The following MGMT variants were observed in gnomAD, a reference collection of about 807,000 sequenced individuals.
The protein encoded by MGMT is O-6-methylguanine-DNA methyltransferase, also known as methylated-DNA--protein-cysteine methyltransferase.
Under a neutral mutation model 15.9 loss-of-function variants are expected in MGMT, and 14 were observed. The ratio of observed to expected loss-of-function variants is 0.88; its 90% CI spans 0.58 to 1.37. The LOEUF is 1.37. Ranked by LOEUF, MGMT falls within the 40% of genes most tolerant of loss-of-function variation. MGMT has a pLI of 0.00. For missense variants in MGMT, 282 were observed against 268.1 expected (o/e 1.05, Z -0.36); for synonymous variants, 130 against 118.2 (o/e 1.10, Z -0.65).
rs753200901 is a variant in MGMT at position 129,708,031 on chromosome 10, G to A, written c.262G>A (p.Val88Ile). 10 of 1,612,142 alleles carry A rather than the reference G, an allele frequency of 6.2e-6. No individual in the cohort carries two copies. The highest frequency in any genetic ancestry group is 2.2e-5 in the South Asian group (2 of 90,976). Residue 88 changes from valine to isoleucine, a missense_variant, in exon 3 of 5, where the codon GTT becomes ATT. Transcript: ENST00000651593. ...EFPVPALHHP[V>I]FQQESFTRQV... ...CCCCGTGCCGGCTCTTCACCATCCCGTTTTCCAGCAAGGTCGGTAACTAAG... is the reference window on the plus strand; with the variant it reads ...CCCCGTGCCGGCTCTTCACCATCCCATTTTCCAGCAAGGTCGGTAACTAAG...
intron 1 of MGMT, among the ~76,000 whole-genome samples, chr10:129,509,508 T>G (rs1461445818): frequency 1.3e-5 from 2 of 152,230 alleles, no homozygotes; most frequent in Non-Finnish European, 2.9e-5. Context: ...GAAAATAGCT[T>G]ACAGTAATGG....
At chr10:129,489,357 CT>C (rs1204524843) in intron 1 of MGMT, among the ~76,000 whole-genome samples, 4 of 57,736 alleles carry the variant, frequency 6.9e-5, no homozygotes, top group African/African-American at 1.0e-4. Context: ...AGGACTCTGT[CT>C]CAAAAAAAAA....
intron 1 of MGMT, among the ~76,000 whole-genome samples, chr10:129,531,184 T>G (rs1309174517): frequency 2.0e-5 from 3 of 152,108 alleles, no homozygotes; most frequent in African/African-American, 7.2e-5. Flanking sequence ...AAGATCCTGA[T>G]GGGGTCTCAT....
chr10:129,736,703 G>A (rs1318922763), intron 3 of MGMT, among the ~76,000 whole-genome samples: 2 of 152,152 alleles, frequency 1.3e-5, no homozygotes, highest in African/African-American at 4.8e-5. Flanking sequence ...GGTACCGGTT[G>A]TTCCTTTCCA....
chr10:129,507,071 T>G (rs892015260), intron 1 of MGMT, among the ~76,000 whole-genome samples: 1 of 152,222 alleles, frequency 6.6e-6, no homozygotes, highest in Non-Finnish European at 1.5e-5. Flanking sequence ...TGCTATGTTA[T>G]GATGCTTTGC....
At chr10:129,672,841 A>G (rs6482744) in intron 2 of MGMT, among the ~76,000 whole-genome samples, 110,685 of 151,936 alleles carry the variant, frequency 0.73, 41,193 homozygotes, top group African/African-American at 0.88. Flanking sequence ...TTATCTCCTC[A>G]TGGGTCTAGT....
At position 129,659,341 on chromosome 10, in the gene MGMT, A is replaced by G. The variant is rs1165722585; in HGVS notation, c.126-48554A>G. On this transcript the variant is annotated intron_variant, in intron 2 of 4. Transcript: ENST00000651593. This position sits in a 1 kb window ranked among gnomAD's most constrained non-coding sequence, Gnocchi z 4.1. ...CACTGCGCTCCAGCCTGGGTGGCAG[A>G]GCGAGACTCCCTGTGTGGAAAAAAA... 6.8e-6 allele frequency among the ~76,000 whole-genome samples: 1 copy of G among 147,298 alleles called. No individual in the cohort carries two copies. Among genetic ancestry groups the G allele is most frequent in the Non-Finnish European group, 1.5e-5 (1 of 67,926 alleles).
chr10:129,542,723 T>C (rs950634269), intron 2 of MGMT, among the ~76,000 whole-genome samples: 1 of 152,204 alleles, frequency 6.6e-6, no homozygotes, highest in Non-Finnish European at 1.5e-5. Flanking sequence ...TGCCAGGCGC[T>C]CCTTGGCTTT....
At chr10:129,518,083 G>A (rs977538056) in intron 1 of MGMT, among the ~76,000 whole-genome samples, 3 of 151,974 alleles carry the variant, frequency 2.0e-5, no homozygotes, top group African/African-American at 7.3e-5. Flanking sequence ...GAGGATGTGG[G>A]ATGGCTGCAC....
At chr10:129,698,226 G>C (rs12771882) in intron 2 of MGMT, among the ~76,000 whole-genome samples, 1 of 152,008 alleles carries the variant, frequency 6.6e-6, no homozygotes, top group Non-Finnish European at 1.5e-5. Context: ...CAGGGCAGGC[G>C]GTTGCTACTC....
chr10:129,640,313 G>C (rs111926459), intron 2 of MGMT, among the ~76,000 whole-genome samples: 7,303 of 152,086 alleles, frequency 0.048, 213 homozygotes, highest in Middle Eastern at 0.085. Flanking sequence ...GGCCAGGCTG[G>C]TCTCAAACTC....
intron 2 of MGMT, among the ~76,000 whole-genome samples, chr10:129,703,184 A>T (rs1848119438): frequency 6.6e-6 from 1 of 152,226 alleles, no homozygotes; most frequent in African/African-American, 2.4e-5. Context: ...AAAAAGGAGA[A>T]CTACAGAGTA....
rs757127526 is a variant in MGMT at position 129,536,262 on chromosome 10, G to C, written c.10G>C (p.Asp4His). 2 of 1,613,858 alleles carry C rather than the reference G, an allele frequency of 1.2e-6. No homozygotes were observed. The highest frequency in any genetic ancestry group is 2.7e-5 in the African/African-American group (2 of 74,906). ...TTAGGTACTTGGAAAAATGGACAAG[G>C]ATTGTGAAATGAAACGCACCACACT... MDK[D>H]CEMKRTTLDS... is the part of the protein sequence containing the mutation. Residue 4 changes from aspartate (D) to histidine (H), a missense_variant, in exon 2 of 5, where the codon GAT becomes CAT. By Grantham distance (81) the Asp-to-His change is moderately conservative (BLOSUM62 -1). Transcript: ENST00000651593.
chr10:129,682,805 A>G (rs767012189), intron 2 of MGMT, among the ~76,000 whole-genome samples: 3 of 152,140 alleles, frequency 2.0e-5, no homozygotes, highest in Non-Finnish European at 2.9e-5. Flanking sequence ...TGAATCTTCA[A>G]TTTCAAACTA....
rs1276251016 is a variant in MGMT at position 129,765,473 on chromosome 10, C to T, written c.415-1315C>T. ...CCAGAGAGATGCCCATATGTTACTG[C>T]CTTGTCTTTCACCTTTCTGAGCCAG... On this transcript the variant is annotated intron_variant, in intron 4 of 4. Coordinates refer to ENST00000651593, the MANE Select transcript of MGMT (RefSeq NM_002412.5). Among the ~76,000 whole-genome samples, 3 of 152,194 alleles carry T rather than the reference C, an allele frequency of 2.0e-5. No individual in the cohort carries two copies. In the East Asian group the frequency reaches 5.8e-4, roughly 29 times the overall value.
intron 2 of MGMT, among the ~76,000 whole-genome samples, chr10:129,591,604 G>A (rs563577394): frequency 6.6e-6 from 1 of 152,192 alleles, no homozygotes; most frequent in Non-Finnish European, 1.5e-5. Context: ...TCACCACCAC[G>A]CGTTTGCAGG....
intron 3 of MGMT, among the ~76,000 whole-genome samples, chr10:129,751,922 G>A (rs1306301021): frequency 6.6e-6 from 1 of 151,980 alleles, no homozygotes; most frequent in Non-Finnish European, 1.5e-5. Flanking sequence ...TGGCCCAGAA[G>A]AATATGGCAT....
rs758325055 is a variant in MGMT, at chr10:129,529,182, CG to C, written c.-12-7054del. Among the ~76,000 whole-genome samples, 9 of 143,718 alleles carry C rather than the reference CG, an allele frequency of 6.3e-5. No homozygotes were observed. In the East Asian group the frequency reaches 1.6e-3, roughly 26 times the overall value. 94.3% of individuals were successfully genotyped at this position (143,718 alleles called of 152,430 possible). A position where few individuals can be genotyped will look rare whatever the true frequency, so the allele number is the denominator to read the frequency against. ...GTGTGAGGGGCAGTGGCAGGGGGAG[CG>C]GGGGCGTGGGTGCGATGGGGTCATG... On this transcript the variant is annotated intron_variant, in intron 1 of 4. Coordinates refer to ENST00000651593, the MANE Select transcript of MGMT (RefSeq NM_002412.5).
intron 1 of MGMT, among the ~76,000 whole-genome samples, chr10:129,523,022 C>T (rs1342034165): frequency 1.3e-5 from 2 of 152,268 alleles, no homozygotes; most frequent in African/African-American, 4.8e-5. Context: ...TAAGCTGAAG[C>T]TTCCCAAGCC....
Sources: gnomAD v4.1 joint callset for allele counts (sites outside exome capture counted in the v4.1 genomes callset) on GRCh38, gnomAD v4.1.1 for gene constraint, Gnocchi (gnomAD v3.1) non-coding constraint, MANE v1.5 for transcripts, NCBI Gene and HGNC (gene_info 2026-07-23, HGNC 2026-07-21) for gene names.